GLRA1: variants seen among roughly 807,000 people sequenced by gnomAD.
The protein encoded by GLRA1 is glycine receptor alpha 1, also known as glycine receptor subunit alpha-1.
GLRA1 carries 37 observed loss-of-function variants against 48.3 expected under a neutral mutation model. The observed-to-expected ratio is 0.77, with a 90% CI of 0.59 to 1.01. GLRA1 has a LOEUF of 1.01. Ranked by LOEUF, GLRA1 falls within the 50% of genes least tolerant of loss-of-function variation. The pLI is 0.00. For synonymous variants in GLRA1, 196 were observed against 210.7 expected, an observed-to-expected ratio of 0.93 and a Z score of 0.60; for missense variants, 427 against 571.0, an observed-to-expected ratio of 0.75 and a Z score of 2.57.
intron 8 of GLRA1, among the ~76,000 whole-genome samples, chr5:151,826,127 G>A (rs1763264556): frequency 6.6e-6 from 1 of 152,222 alleles, no homozygotes; most frequent in Non-Finnish European, 1.5e-5. Context: ...TCCCTGGTTA[G>A]AAGGGATGGT....
At chr5:151,878,507 A>C (rs1381791927) in intron 3 of GLRA1, among the ~76,000 whole-genome samples, 1 of 152,218 alleles carries the variant, frequency 6.6e-6, no homozygotes, top group African/African-American at 2.4e-5. Context: ...GACAATGGGG[A>C]AAATGTCTCC....
chr5:151,834,291 C>G (rs1763508589), intron 7 of GLRA1, among the ~76,000 whole-genome samples: 1 of 152,154 alleles, frequency 6.6e-6, no homozygotes. Flanking sequence ...GACCACAGCA[C>G]AATCAAATTG....
chr5:151,834,900 C>T (rs1419342838), intron 7 of GLRA1, among the ~76,000 whole-genome samples: 43 of 151,712 alleles, frequency 2.8e-4, no homozygotes, highest in Admixed American at 9.2e-4. Context: ...TGGTGGCAGG[C>T]GCCTGTAGTC....
intron 4 of GLRA1, among the ~76,000 whole-genome samples, chr5:151,858,077 A>G (rs181123156): frequency 1.3e-4 from 20 of 152,296 alleles, no homozygotes; most frequent in African/African-American, 4.8e-4. Context: ...CCAATACCCT[A>G]AGATACCTAA....
chr5:151,887,688 A>G (rs1753946601), intron 2 of GLRA1, among the ~76,000 whole-genome samples: 1 of 152,198 alleles, frequency 6.6e-6, no homozygotes, highest in African/African-American at 2.4e-5. Context: ...TCTGTAGGAA[A>G]CAGGTTTAGA....
At position 151,922,931 on chromosome 5, in the gene GLRA1, A is replaced by G. The variant is rs575446992; in HGVS notation, c.56+1563T>C. On this transcript the variant is annotated intron_variant, in intron 1 of 8. Transcript: ENST00000274576. Reference sequence around the variant, plus strand: ...AATCAATTTGCATACAAATGTTACAAAGTACCCAACCTCCATACATTTGTA... The same window carrying G: ...AATCAATTTGCATACAAATGTTACAGAGTACCCAACCTCCATACATTTGTA... Among the ~76,000 whole-genome samples, 26 of 152,334 alleles carry G rather than the reference A, an allele frequency of 1.7e-4. No homozygotes were observed. In the South Asian group the frequency reaches 4.8e-3, roughly 28 times the overall value.
rs370097188 is a variant in GLRA1, at chr5:151,890,843, G to T, written c.184+1468C>A. On this transcript the variant is annotated intron_variant, in intron 2 of 8. Transcript: ENST00000274576. ...TGTTATTGACTTACCTATCCTGGGG[G>T]TTATGTTAACAATGCTGGAAGCTAT... Among the ~76,000 whole-genome samples, 11 of 152,332 alleles carry T rather than the reference G, an allele frequency of 7.2e-5. No individual in the cohort carries two copies. The East Asian group carries it at 1.7e-3, about 24-fold the overall frequency.
chr5:151,856,162 G>C (rs896723003), intron 5 of GLRA1, 139 bp downstream of exon 5: 9 of 654,766 alleles, frequency 1.4e-5, no homozygotes, highest in Admixed American at 2.1e-5. Flanking sequence ...TAAAAGCAAA[G>C]TCCTTCATTG....
At chr5:151,859,109 T>C (rs10463320) in intron 4 of GLRA1, among the ~76,000 whole-genome samples, 71,415 of 152,068 alleles carry the variant, frequency 0.47, 17,683 homozygotes, top group African/African-American at 0.64. Context: ...GAAAAGTACC[T>C]GGCATAGTTA....
At chr5:151,909,868 T>C (rs1281351129) in intron 1 of GLRA1, among the ~76,000 whole-genome samples, 1 of 152,160 alleles carries the variant, frequency 6.6e-6, no homozygotes, top group African/African-American at 2.4e-5. Flanking sequence ...CTGAAACAAC[T>C]GGGACATGTA....
chr5:151,840,043 GAA>G (rs1043801541), intron 7 of GLRA1, among the ~76,000 whole-genome samples: 1 of 150,426 alleles, frequency 6.6e-6, no homozygotes, highest in African/African-American at 2.4e-5. Flanking sequence ...AAAATAACTG[GAA>G]AAAAATAGTA....
intron 3 of GLRA1, among the ~76,000 whole-genome samples, chr5:151,880,237 ATT>A (rs1440892152): frequency 6.6e-6 from 1 of 152,172 alleles, no homozygotes; most frequent in Non-Finnish European, 1.5e-5. Flanking sequence ...AATCTTTTAT[ATT>A]TCTATAGCAT....
intron 7 of GLRA1, among the ~76,000 whole-genome samples, chr5:151,835,194 G>A (rs557550023): frequency 1.3e-5 from 2 of 152,088 alleles, no homozygotes; most frequent in South Asian, 4.2e-4. Flanking sequence ...TAAATTCCTG[G>A]ACACATACAC....
chr5:151,907,440 C>T (rs556968580), intron 1 of GLRA1, among the ~76,000 whole-genome samples: 1 of 152,214 alleles, frequency 6.6e-6, no homozygotes, highest in Admixed American at 6.5e-5. Context: ...AGGCAAATGA[C>T]AGGTTGGACT....
chr5:151,898,133 A>G (rs1006436384), intron 1 of GLRA1, among the ~76,000 whole-genome samples: 7 of 152,062 alleles, frequency 4.6e-5, no homozygotes, highest in Admixed American at 4.6e-4. Flanking sequence ...CAGTTTCCCC[A>G]GTTACACAAT....
chr5:151,894,832 T>C (rs1200927523), intron 1 of GLRA1, among the ~76,000 whole-genome samples: 2 of 152,240 alleles, frequency 1.3e-5, no homozygotes, highest in African/African-American at 4.8e-5. Flanking sequence ...TAGACAATTA[T>C]ACACAGTAAT....
chr5:151,845,079 AG>A (rs1252091505), intron 7 of GLRA1, among the ~76,000 whole-genome samples: 2 of 152,186 alleles, frequency 1.3e-5, no homozygotes, highest in African/African-American at 2.4e-5. Flanking sequence ...CAGAACATGC[AG>A]GTTTGTTACA....
chr5:151,918,766 C>T (rs1171274069), intron 1 of GLRA1, among the ~76,000 whole-genome samples: 1 of 152,168 alleles, frequency 6.6e-6, no homozygotes, highest in Non-Finnish European at 1.5e-5. Flanking sequence ...AGGTGGACGT[C>T]CAGTCTCTGC....
chr5:151,909,481 C>T (rs1754555557), intron 1 of GLRA1, among the ~76,000 whole-genome samples: 1 of 152,158 alleles, frequency 6.6e-6, no homozygotes, highest in Admixed American at 6.5e-5. Context: ...CCATTTTCTC[C>T]CAGGTAGTGT....
Sources: gnomAD v4.1 joint callset for allele counts (sites outside exome capture counted in the v4.1 genomes callset) on GRCh38, gnomAD v4.1.1 for gene constraint, MANE v1.5 for transcripts, NCBI Gene and HGNC (gene_info 2026-07-23, HGNC 2026-07-21) for gene names.